The following FHOD3 variants were observed in gnomAD, a reference collection of about 807,000 sequenced individuals.
FHOD3 encodes the protein FH1/FH2 domain-containing protein 3.
A neutral mutation model predicts 173.0 loss-of-function variants in FHOD3; 90 were observed. The observed-to-expected ratio is 0.52, with a 90% CI of 0.44 to 0.62. FHOD3 has a LOEUF of 0.62. Among genes scored for constraint, FHOD3 ranks in the 20% least tolerant of loss-of-function variants. The pLI is 0.00. For synonymous variants in FHOD3, 828 were observed against 823.0 expected (o/e 1.01, Z -0.10); for missense variants, 1,945 against 2,034.7 (o/e 0.96, Z 0.85).
intron 24 of FHOD3, among the ~76,000 whole-genome samples, chr18:36,752,038 A>G (rs1238763280): frequency 6.6e-6 from 1 of 152,182 alleles, no homozygotes; most frequent in Non-Finnish European, 1.5e-5. Context: ...TGGAAGGGGA[A>G]CCAAACACGT....
intron 14 of FHOD3, among the ~76,000 whole-genome samples, chr18:36,664,811 A>T (rs900401096): frequency 1.3e-5 from 2 of 148,920 alleles, no homozygotes; most frequent in African/African-American, 2.6e-5. Context: ...AGAGAGAGAG[A>T]GAGATTGAGA....
In FHOD3 at chr18:36,771,609, A is replaced by AT. The variant is rs376082037; in HGVS notation, c.4786+2185dup. ...AGTTTATCTTCAGTAGTTGCCCTTT[A>AT]TTGGCTTCCTGTTAGTTCATTCAAG... is the stretch of plus-strand genomic sequence containing the variant. On this transcript the variant is annotated intron_variant, in intron 28 of 28. Transcript: ENST00000590592. 4.4e-4 allele frequency among the ~76,000 whole-genome samples: 67 copies of AT among 152,284 alleles called. No homozygotes were observed. In the East Asian group the frequency reaches 0.011, roughly 26 times the overall value.
chr18:36,737,064 C>T (rs934573798), intron 20 of FHOD3, among the ~76,000 whole-genome samples: 6 of 152,208 alleles, frequency 3.9e-5, no homozygotes, highest in African/African-American at 1.4e-4. Flanking sequence ...AGGAGGGGCT[C>T]ATAGGAGGTG....
chr18:36,435,511 C>T (rs1599105873), intron 3 of FHOD3, among the ~76,000 whole-genome samples: 1 of 152,054 alleles, frequency 6.6e-6, no homozygotes, highest in African/African-American at 2.4e-5. Flanking sequence ...GAATAAAAAG[C>T]CAATATTCAA....
intron 14 of FHOD3, among the ~76,000 whole-genome samples, chr18:36,669,919 A>G (rs1233456494): frequency 6.6e-6 from 1 of 152,004 alleles, no homozygotes; most frequent in African/African-American, 2.4e-5. Flanking sequence ...CTTTTAGTGC[A>G]GGTCTAGATA....
intron 3 of FHOD3, among the ~76,000 whole-genome samples, chr18:36,463,962 T>C (rs2052750113): frequency 1.3e-5 from 2 of 152,216 alleles, no homozygotes; most frequent in South Asian, 4.1e-4. Context: ...AAACATAAGA[T>C]TGATTCAGAA....
At chr18:36,662,024 A>G (rs2036844549) in intron 14 of FHOD3, among the ~76,000 whole-genome samples, 1 of 152,258 alleles carries the variant, frequency 6.6e-6, no homozygotes, top group Non-Finnish European at 1.5e-5. Context: ...TAATTTCTAA[A>G]TGTTTTCTTT....
intron 27 of FHOD3, among the ~76,000 whole-genome samples, chr18:36,767,319 A>G (rs2043182467): frequency 6.6e-6 from 1 of 151,716 alleles, no homozygotes; most frequent in Non-Finnish European, 1.5e-5. Flanking sequence ...AAAAAAAAAA[A>G]CTGTATCAGT....
At chr18:36,633,422 C>A (rs911629287) in intron 10 of FHOD3, among the ~76,000 whole-genome samples, 1 of 152,236 alleles carries the variant, frequency 6.6e-6, no homozygotes, top group Admixed American at 6.5e-5. Flanking sequence ...ACTCTCCTTC[C>A]CTAGTCATAT....
intron 27 of FHOD3, among the ~76,000 whole-genome samples, chr18:36,764,512 AGTCTTGAGCCCCTGT>A (rs2043056192): frequency 6.6e-6 from 1 of 151,826 alleles, no homozygotes; most frequent in South Asian, 2.1e-4. Flanking sequence ...ATCAGACCAG[AGTCTTGAGCCCCTGT>A]GTCTTGGTGG....
intron 5 of FHOD3, among the ~76,000 whole-genome samples, chr18:36,570,390 A>T (rs2147870784): frequency 6.6e-6 from 1 of 152,252 alleles, no homozygotes; most frequent in African/African-American, 2.4e-5. Flanking sequence ...ACTATTAAAG[A>T]AATTTAATTT....
chr18:36,700,914 ATCTTC>A (rs2039550504), intron 17 of FHOD3, among the ~76,000 whole-genome samples: 1 of 152,190 alleles, frequency 6.6e-6, no homozygotes, highest in African/African-American at 2.4e-5. Flanking sequence ...GAGCTGAGGC[ATCTTC>A]TCTTCTCTAA....
chr18:36,567,339 T>C (rs550791157), intron 5 of FHOD3, among the ~76,000 whole-genome samples: 99 of 152,272 alleles, frequency 6.5e-4, no homozygotes, highest in African/African-American at 2.3e-3. Context: ...TTACAAACCA[T>C]GGGCTTAGCA....
chr18:36,608,911 G>A lies in FHOD3; in HGVS notation c.814-3041G>A, dbSNP rs191663521. Among the ~76,000 whole-genome samples, 4 of 152,344 alleles carry A rather than the reference G, an allele frequency of 2.6e-5. No individual in the cohort carries two copies. In the East Asian group the frequency reaches 5.8e-4, roughly 22 times the overall value. On this transcript the variant is annotated intron_variant, in intron 8 of 28. Coordinates refer to ENST00000590592, the MANE Select transcript of FHOD3 (RefSeq NM_001281740.3). ...GTGCTTACCCATTCACCTGTTGAAG[G>A]AGATTTGTGTGTTTATAGCTTTTGG... is the stretch of plus-strand genomic sequence containing the variant.
At chr18:36,608,222 T>G (rs1375971754) in intron 8 of FHOD3, among the ~76,000 whole-genome samples, 1 of 152,228 alleles carries the variant, frequency 6.6e-6, no homozygotes, top group South Asian at 2.1e-4. Flanking sequence ...GGAAATAAAT[T>G]TATTACTCAC....
At chr18:36,633,464 T>A (rs1307763270) in intron 10 of FHOD3, among the ~76,000 whole-genome samples, 1 of 152,214 alleles carries the variant, frequency 6.6e-6, no homozygotes, top group Non-Finnish European at 1.5e-5. Flanking sequence ...CACCAGCATT[T>A]ATGGAGGATT....
chr18:36,517,926 G>C (rs1490600988), intron 5 of FHOD3, among the ~76,000 whole-genome samples: 2 of 152,274 alleles, frequency 1.3e-5, no homozygotes, highest in East Asian at 1.9e-4. Flanking sequence ...CCCTTAATGA[G>C]AATCAGGATG....
At chr18:36,430,747 A>G (rs756063511) in intron 3 of FHOD3, among the ~76,000 whole-genome samples, 2 of 152,214 alleles carry the variant, frequency 1.3e-5, no homozygotes, top group African/African-American at 4.8e-5. Flanking sequence ...TTGGGCTGGT[A>G]GATTTAGTTT....
intron 1 of FHOD3, among the ~76,000 whole-genome samples, chr18:36,318,628 T>A (rs1483749508): frequency 1.3e-5 from 2 of 152,224 alleles, no homozygotes; most frequent in Admixed American, 1.3e-4. Context: ...GATTTTGGGC[T>A]GAGATGATGG....
Sources: gnomAD v4.1 joint callset for allele counts (sites outside exome capture counted in the v4.1 genomes callset) on GRCh38, gnomAD v4.1.1 for gene constraint, MANE v1.5 for transcripts, NCBI Gene and HGNC (gene_info 2026-07-23, HGNC 2026-07-21) for gene names.